The following PSMA1 variants were observed in gnomAD, a reference collection of about 807,000 sequenced individuals.
PSMA1 encodes proteasome 20S subunit alpha 1.
A neutral mutation model predicts 38.4 loss-of-function variants in PSMA1; 3 were observed. The observed-to-expected ratio is 0.08, with a 90% confidence interval of 0.04 to 0.20. The LOEUF (loss-of-function observed/expected upper bound fraction) is 0.20. Among genes scored for constraint, PSMA1 ranks in the 10% least tolerant of loss-of-function variants. The pLI is 1.00. For synonymous variants in PSMA1, 101 were observed against 107.1 expected, an observed-to-expected ratio of 0.94 and a Z score of 0.35; for missense variants, 227 against 325.3, an observed-to-expected ratio of 0.70 and a Z score of 2.32.
chr11:14,626,580 C>T (rs1852914829), intron 1 of PSMA1, among the ~76,000 whole-genome samples: 1 of 152,120 alleles, frequency 6.6e-6, no homozygotes, highest in Non-Finnish European at 1.5e-5. Flanking sequence ...TAGAAAAAAT[C>T]AGCATAAGAT....
intron 2 of PSMA1, among the ~76,000 whole-genome samples, chr11:14,602,495 G>A (rs1852594763): frequency 6.6e-6 from 1 of 151,926 alleles, no homozygotes; most frequent in South Asian, 2.1e-4. Context: ...AATAGAAACT[G>A]ATTTCTATAT....
intron 2 of PSMA1, among the ~76,000 whole-genome samples, chr11:14,597,913 G>C (rs1852521939): frequency 6.6e-6 from 1 of 152,164 alleles, no homozygotes; most frequent in African/African-American, 2.4e-5. Flanking sequence ...TCTACACACT[G>C]CTTTGAGTGT....
intron 9 of PSMA1, 79 bp downstream of exon 9, chr11:14,507,577 T>C (rs781460505): frequency 1.3e-5 from 13 of 1,000,332 alleles, no homozygotes; most frequent in East Asian, 2.4e-5. Context: ...TAAGACAAAA[T>C]GGAAAATTTA....
At chr11:14,561,798 AC>A (rs1437267454) in intron 2 of PSMA1, among the ~76,000 whole-genome samples, 6 of 144,550 alleles carry the variant, frequency 4.2e-5, no homozygotes, top group African/African-American at 1.5e-4. Context: ...CCTAAACTAA[AC>A]TAAACTAAAT....
At chr11:14,569,247 T>C (rs1402707141) in intron 2 of PSMA1, among the ~76,000 whole-genome samples, 1 of 151,808 alleles carries the variant, frequency 6.6e-6, no homozygotes, top group Non-Finnish European at 1.5e-5. Context: ...TGGGGGGAGG[T>C]TCAAAGATGG....
chr11:14,517,419 C>T (rs1480972705), intron 4 of PSMA1, among the ~76,000 whole-genome samples: 1 of 152,178 alleles, frequency 6.6e-6, no homozygotes, highest in Non-Finnish European at 1.5e-5. Flanking sequence ...TCACATTACT[C>T]AGTGACTTCT....
intron 1 of PSMA1, among the ~76,000 whole-genome samples, chr11:14,631,319 C>G (rs1026275331): frequency 6.6e-6 from 1 of 152,056 alleles, no homozygotes; most frequent in African/African-American, 2.4e-5. Flanking sequence ...ATAAATTTCC[C>G]TCTACACACT....
intron 1 of PSMA1, among the ~76,000 whole-genome samples, chr11:14,636,490 T>A (rs1234424686): frequency 1.3e-5 from 2 of 152,164 alleles, no homozygotes; most frequent in Non-Finnish European, 2.9e-5. Context: ...CAAAAACAAA[T>A]CCTCTTCTCT....
At chr11:14,640,282 AG>A (rs1348645155) in intron 1 of PSMA1, among the ~76,000 whole-genome samples, 1 of 152,220 alleles carries the variant, frequency 6.6e-6, no homozygotes, top group Non-Finnish European at 1.5e-5. Context: ...TGGAACTAGA[AG>A]AATGAGAAAC....
intron 8 of PSMA1, among the ~76,000 whole-genome samples, chr11:14,508,565 A>AAAAAAAAAAAAAAAAC (rs1565031092): frequency 6.8e-6 from 1 of 147,880 alleles, no homozygotes; most frequent in African/African-American, 2.5e-5. Flanking sequence ...CCATCTCAAA[A>AAAAAAAAAAAAAAAAC]AAAAAAAAAA....
intron 1 of PSMA1, among the ~76,000 whole-genome samples, chr11:14,619,647 G>C (rs971992371): frequency 3.3e-5 from 5 of 152,054 alleles, no homozygotes; most frequent in African/African-American, 7.2e-5. Context: ...TGCTTTCCTT[G>C]AGTGTGTGGA....
chr11:14,516,069 G>T (rs1851421384), intron 4 of PSMA1, among the ~76,000 whole-genome samples: 1 of 151,850 alleles, frequency 6.6e-6, no homozygotes, highest in African/African-American at 2.4e-5. Flanking sequence ...AATTAGCCGG[G>T]TGTGGTGGCA....
intron 2 of PSMA1, among the ~76,000 whole-genome samples, chr11:14,589,396 T>C: frequency 6.7e-6 from 1 of 149,198 alleles, no homozygotes; most frequent in East Asian, 1.9e-4. Context: ...TATATATGTG[T>C]GTGTATATAT....
chr11:14,531,275 C>T (rs1045505237), intron 2 of PSMA1, among the ~76,000 whole-genome samples: 2 of 152,144 alleles, frequency 1.3e-5, no homozygotes, highest in Admixed American at 1.3e-4. Flanking sequence ...ATAGGCCCTT[C>T]TTCCACTCCC....
At chr11:14,593,661 AGC>A (rs1554971835) in intron 2 of PSMA1, among the ~76,000 whole-genome samples, 1 of 131,546 alleles carries the variant, frequency 7.6e-6, no homozygotes, top group Admixed American at 7.7e-5. Flanking sequence ...AGAGAGAGAG[AGC>A]GCCAGCCCTA....
chr11:14,639,262 G>GTA (rs1554974776), intron 1 of PSMA1, among the ~76,000 whole-genome samples: 1 of 151,606 alleles, frequency 6.6e-6, no homozygotes, highest in Non-Finnish European at 1.5e-5. Flanking sequence ...GTAAATCTAG[G>GTA]AAAAAGGGTT....
At chr11:14,631,629 A>G (rs190933197) in intron 1 of PSMA1, among the ~76,000 whole-genome samples, 1 of 152,242 alleles carries the variant, frequency 6.6e-6, no homozygotes. Context: ...GTGCTGAAAA[A>G]AATGTATATT....
intron 8 of PSMA1, among the ~76,000 whole-genome samples, chr11:14,510,509 C>T (rs184336669): frequency 6.6e-6 from 1 of 152,150 alleles, no homozygotes; most frequent in East Asian, 1.9e-4. Flanking sequence ...CTAGGATGTA[C>T]GTTCCATGAA....
chr11:14,635,290 C>G (rs1853099854), intron 1 of PSMA1, among the ~76,000 whole-genome samples: 1 of 152,142 alleles, frequency 6.6e-6, no homozygotes, highest in Non-Finnish European at 1.5e-5. Flanking sequence ...ATTACACATC[C>G]CAAAATACAG....
Sources: allele counts gnomAD v4.1 joint callset (sites outside exome capture counted in the v4.1 genomes callset), GRCh38; gene constraint gnomAD v4.1.1; transcripts MANE v1.5; gene names NCBI Gene and HGNC (gene_info 2026-07-23, HGNC 2026-07-21).